CCDC27: variants seen among roughly 807,000 people sequenced by gnomAD.
The protein encoded by CCDC27 is coiled-coil domain-containing protein 27.
CCDC27 carries 80 observed loss-of-function variants against 80.3 expected under a neutral mutation model. The ratio of observed to expected loss-of-function variants is 1.00; its 90% CI spans 0.83 to 1.20. CCDC27 has a LOEUF of 1.20. CCDC27 is among the 50% of genes most tolerant of loss of function. The pLI is 0.00. For synonymous variants in CCDC27, 342 were observed against 334.3 expected (o/e 1.02, Z -0.25); for missense variants, 815 against 809.4 (o/e 1.01, Z -0.08).
rs1312957513 is a variant in CCDC27, at chr1:3,763,231, A to G, written c.1078A>G (p.Ser360Gly). The G allele has an allele frequency of 1.3e-6, 2 of 1,552,752 alleles. No individual in the cohort carries two copies. Among genetic ancestry groups the G allele is most frequent in the Non-Finnish European group, 1.7e-6 (2 of 1,147,034 alleles). The change falls in exon 7 of 12, where the codon AGC (serine) becomes GGC (glycine). Residue 360 changes from serine to glycine, a missense_variant. Physicochemically the swap from Ser to Gly is moderately conservative, Grantham distance 56. Coordinates refer to ENST00000294600, the MANE Select transcript of CCDC27 (RefSeq NM_152492.3). This position sits in a 1 kb window ranked among gnomAD's most constrained non-coding sequence, Gnocchi z 7.5. ...GGACACGGGTGCCTGGGGAGGTGTG[A>G]GCCAGATGGGATCCGTGCATGAGGA... ...VEDTGAWGGV[S>G]QMGSVHEEGS...
Position 3,763,385 on chromosome 1 carries a change from T to C in CCDC27, c.1232T>C (p.Leu411Pro). 1 of 1,613,002 alleles carries C rather than the reference T, an allele frequency of 6.2e-7. No individual in the cohort carries two copies. Among genetic ancestry groups the C allele is most frequent in the Non-Finnish European group, 8.5e-7 (1 of 1,179,980 alleles). The change falls in exon 7 of 12, where the codon CTG (leucine) becomes CCG (proline). Residue 411 changes from leucine to proline, a missense_variant. Leu to Pro is a moderately conservative substitution (Grantham distance 98). Coordinates refer to ENST00000294600, the MANE Select transcript of CCDC27 (RefSeq NM_152492.3). The surrounding 1 kb of genome is among the most constrained non-coding windows in gnomAD (Gnocchi z 7.5). ...SSLAESFEEE[L>P]LAQLEEYEQV... ...CTGGCCGAGTCGTTTGAGGAGGAGC[T>C]GCTGGCCCAGCTGGAGGAGTACGAG...
rs1429676998 is a variant in CCDC27, at chr1:3,762,931, C to T, written c.955-177C>T. On this transcript the variant is annotated intron_variant, in intron 6 of 11. Coordinates refer to ENST00000294600, the MANE Select transcript of CCDC27 (RefSeq NM_152492.3). Reference sequence around the variant, plus strand: ...ACAGAGGGAGGACCCGTGACAGAGGCCACAGTGCCTGGGCCACTGTTGGTG... The same window carrying T: ...ACAGAGGGAGGACCCGTGACAGAGGTCACAGTGCCTGGGCCACTGTTGGTG... 56 of 863,000 alleles carry T rather than the reference C, an allele frequency of 6.5e-5. No homozygotes were observed. In the East Asian group the frequency reaches 1.4e-3, roughly 22 times the overall value. 53.5% of individuals were successfully genotyped at this position (863,000 alleles called of 1,614,324 possible). A position where few individuals can be genotyped will look rare whatever the true frequency, so the allele number is the denominator to read the frequency against.
chr1:3,764,845 G>A (rs908437954), intron 8 of CCDC27, among the ~76,000 whole-genome samples: 1 of 152,100 alleles, frequency 6.6e-6, no homozygotes, highest in African/African-American at 2.4e-5. Flanking sequence ...AGACCCGCCT[G>A]ACCAATATGG....
At chr1:3,754,755 G>C (rs529735924) in intron 2 of CCDC27, among the ~76,000 whole-genome samples, 12 of 150,454 alleles carry the variant, frequency 8.0e-5, no homozygotes, top group Non-Finnish European at 1.6e-4. Flanking sequence ...TCTGCTCCTG[G>C]ACCTGGACTG....
In CCDC27 at chr1:3,761,337, G is replaced by A. The variant is rs749421623; in HGVS notation, c.768G>A (p.Leu256=). The A allele has an allele frequency of 1.2e-6, 2 of 1,614,042 alleles. No individual in the cohort carries two copies. Among genetic ancestry groups the A allele is most frequent in the East Asian group, 2.2e-5 (1 of 44,892 alleles). Reference sequence around the variant, plus strand: ...TTCAGAAGAAAGACGAGGAGATCCTGCTGCTCCAGGAGGAGAGGGAGGCCC... The same window carrying A: ...TTCAGAAGAAAGACGAGGAGATCCTACTGCTCCAGGAGGAGAGGGAGGCCC... ...IQVQKKDEEI[L]LLQEEREALK... The change falls in exon 5 of 12, where the codon CTG becomes CTA. Residue 256 remains leucine (L), a synonymous_variant. Coordinates refer to ENST00000294600, the MANE Select transcript of CCDC27 (RefSeq NM_152492.3). This position sits in a 1 kb window ranked among gnomAD's most constrained non-coding sequence, Gnocchi z 5.0.
chr1:3,761,874 G>A lies in CCDC27; in HGVS notation c.861+444G>A, dbSNP rs1328338010. Among the ~76,000 whole-genome samples the A allele has an allele frequency of 6.6e-6, 1 of 151,912 alleles. No individual in the cohort carries two copies. Among genetic ancestry groups the A allele is most frequent in the Non-Finnish European group, 1.5e-5 (1 of 67,974 alleles). On this transcript the variant is annotated intron_variant, in intron 5 of 11. Transcript: ENST00000294600. This position sits in a 1 kb window ranked among gnomAD's most constrained non-coding sequence, Gnocchi z 5.0. ...GCGGATTCCCCGGGCCTGGCTCTGT[G>A]CATCATCTGCAGTGGTAGCTTGTAT...
chr1:3,761,962 T>G lies in CCDC27; in HGVS notation c.861+532T>G, dbSNP rs1164225543. ...CTGGCTGTGAAGCCCCCTGCGAGGT[T>G]GGGCATGGGGTTGGGGTGGGGGTGG... is the stretch of plus-strand genomic sequence containing the variant. On this transcript the variant is annotated intron_variant, in intron 5 of 11. Transcript: ENST00000294600. The surrounding 1 kb of genome is among the most constrained non-coding windows in gnomAD (Gnocchi z 5.0). Among the ~76,000 whole-genome samples, 6 of 66,382 alleles carry G rather than the reference T, an allele frequency of 9.0e-5. No homozygotes were observed. The highest frequency in any genetic ancestry group is 1.9e-4 in the Admixed American group (1 of 5,166). 43.5% of individuals were successfully genotyped at this position (66,382 alleles called of 152,430 possible). A position where few individuals can be genotyped will look rare whatever the true frequency, so the allele number is the denominator to read the frequency against.
chr1:3,758,303 C>T (rs965695360), intron 4 of CCDC27, among the ~76,000 whole-genome samples: 1 of 151,390 alleles, frequency 6.6e-6, no homozygotes, highest in Non-Finnish European at 1.5e-5. Context: ...ATTCTCCTGC[C>T]TCAGCCTCCC....
rs1643085457 is a variant in CCDC27 at position 3,761,512 on chromosome 1, G to A, written c.861+82G>A. The A allele has an allele frequency of 6.6e-7, 1 of 1,509,184 alleles. No individual in the cohort carries two copies. Among genetic ancestry groups the A allele is most frequent in the Non-Finnish European group, 8.9e-7 (1 of 1,119,592 alleles). The allele number at this position is 1,509,184 out of a possible 1,614,324, so 93.5% of individuals were successfully genotyped here. A position where few individuals can be genotyped will look rare whatever the true frequency, so the allele number is the denominator to read the frequency against. Reference sequence around the variant, plus strand: ...GTCCAAAGCTGCTAGTGACACACAGGCCCCTGGCAAACCCCCAGGCCCCCT... The same window carrying A: ...GTCCAAAGCTGCTAGTGACACACAGACCCCTGGCAAACCCCCAGGCCCCCT... On this transcript the variant is annotated intron_variant, in intron 5 of 11. Transcript: ENST00000294600. This position sits in a 1 kb window ranked among gnomAD's most constrained non-coding sequence, Gnocchi z 5.0.
intron 4 of CCDC27, among the ~76,000 whole-genome samples, chr1:3,758,965 C>T (rs962921165): frequency 5.3e-5 from 8 of 151,972 alleles, no homozygotes; most frequent in African/African-American, 1.9e-4. Flanking sequence ...AATCCCAGCA[C>T]TTTGGGAGGC....
chr1:3,761,114 T>C lies in CCDC27; in HGVS notation c.712-167T>C, dbSNP rs955057651. On this transcript the variant is annotated intron_variant, in intron 4 of 11. Coordinates refer to ENST00000294600, the MANE Select transcript of CCDC27 (RefSeq NM_152492.3). The surrounding 1 kb of genome is among the most constrained non-coding windows in gnomAD (Gnocchi z 5.0). ...GCTGGCACATCTTGATCTCCAGATG[T>C]GTAGTGCTAGCTCTTTACCGCAGTA... is the stretch of plus-strand genomic sequence containing the variant. Among the ~76,000 whole-genome samples the C allele has an allele frequency of 1.3e-5, 2 of 152,174 alleles. No individual in the cohort carries two copies. Among genetic ancestry groups the C allele is most frequent in the African/African-American group, 4.8e-5 (2 of 41,434 alleles).
Position 3,760,832 on chromosome 1 carries a change from T to G in CCDC27, c.712-449T>G, listed in dbSNP as rs1166639348. Among the ~76,000 whole-genome samples the G allele has an allele frequency of 5.9e-5, 9 of 152,314 alleles. No homozygotes were observed. Among genetic ancestry groups the G allele is most frequent in the East Asian group, 1.9e-4 (1 of 5,184 alleles). On this transcript the variant is annotated intron_variant, in intron 4 of 11. Coordinates refer to ENST00000294600, the MANE Select transcript of CCDC27 (RefSeq NM_152492.3). This position sits in a 1 kb window ranked among gnomAD's most constrained non-coding sequence, Gnocchi z 4.3. ...ATTTTTGTCTTTAATTTTGAAGAAT[T>G]GAGGGAGTTGAGATTCTGAGAACAA...
In CCDC27 at chr1:3,760,362, T is replaced by A. The variant is rs552843318; in HGVS notation, c.712-919T>A. Reference sequence around the variant, plus strand: ...CTTGCTCCTCTCTCCCTCTCTCCCTTCCTATATCATAAATTTTCACACCTA... The same window carrying A: ...CTTGCTCCTCTCTCCCTCTCTCCCTACCTATATCATAAATTTTCACACCTA... On this transcript the variant is annotated intron_variant, in intron 4 of 11. Coordinates refer to ENST00000294600, the MANE Select transcript of CCDC27 (RefSeq NM_152492.3). This position sits in a 1 kb window ranked among gnomAD's most constrained non-coding sequence, Gnocchi z 4.3. Among the ~76,000 whole-genome samples the A allele has an allele frequency of 6.6e-6, 1 of 152,192 alleles. No homozygotes were observed. Among genetic ancestry groups the A allele is most frequent in the South Asian group, 2.1e-4 (1 of 4,816 alleles).
At chr1:3,758,402 G>A (rs1432934076) in intron 4 of CCDC27, among the ~76,000 whole-genome samples, 1 of 151,298 alleles carries the variant, frequency 6.6e-6, no homozygotes, top group Non-Finnish European at 1.5e-5. Context: ...CAGACAGGAT[G>A]GTCTTGATCT....
At position 3,763,216 on chromosome 1, in the gene CCDC27, G is replaced by A; in HGVS notation, c.1063G>A (p.Ala355Thr). ...GCCCGATGGGGTGGAGGACACGGGTGCCTGGGGAGGTGTGAGCCAGATGGG... is the reference window on the plus strand; with the variant it reads ...GCCCGATGGGGTGGAGGACACGGGTACCTGGGGAGGTGTGAGCCAGATGGG... Reference protein sequence around the residue: ...GEPDGVEDTGAWGGVSQMGSV... With the variant: ...GEPDGVEDTGTWGGVSQMGSV... Residue 355 changes from alanine to threonine, a missense_variant, in exon 7 of 12, where the codon GCC becomes ACC. By Grantham distance (58) the Ala-to-Thr change is moderately conservative. Coordinates refer to ENST00000294600, the MANE Select transcript of CCDC27 (RefSeq NM_152492.3). This position sits in a 1 kb window ranked among gnomAD's most constrained non-coding sequence, Gnocchi z 7.5. The A allele has an allele frequency of 1.3e-6, 2 of 1,539,372 alleles. No homozygotes were observed. The highest frequency in any genetic ancestry group is 2.5e-5 in the South Asian group (2 of 81,544).
chr1:3,754,899 A>T (rs965224747), intron 2 of CCDC27, among the ~76,000 whole-genome samples: 6 of 152,172 alleles, frequency 3.9e-5, no homozygotes, highest in Admixed American at 3.9e-4. Context: ...AGCCAGCATC[A>T]GGTAGAAGCA....
intron 6 of CCDC27, 126 bp from the exon 7 acceptor site, chr1:3,762,982 C>T: frequency 1.6e-6 from 2 of 1,239,536 alleles, no homozygotes; most frequent in Non-Finnish European, 2.2e-6. Context: ...TGCTCTCCCA[C>T]TCCCTGGACC....
rs571586425 is a variant in CCDC27 at position 3,762,699 on chromosome 1, A to G, written c.941A>G (p.Gln314Arg). The change falls in exon 6 of 12, where the codon CAG becomes CGG. Residue 314 changes from glutamine (Q) to arginine (R), a missense_variant. By Grantham distance (43) the Gln-to-Arg change is conservative. Transcript: ENST00000294600. Reference protein sequence around the residue: ...KAFSRHEEELQHWWQMQEESA... With the variant: ...KAFSRHEEELRHWWQMQEESA... ...TTCTCCAGACATGAGGAGGAGCTGC[A>G]GCACTGGTGGCAGGTGCGGGCCGCC... 5.8e-6 allele frequency: 9 copies of G among 1,548,930 alleles called. No homozygotes were observed. In the East Asian group the frequency reaches 2.2e-4, roughly 38 times the overall value.
intron 3 of CCDC27, 106 bp from the exon 4 acceptor site, chr1:3,756,627 G>T: frequency 1.7e-6 from 2 of 1,185,878 alleles, no homozygotes; most frequent in East Asian, 2.4e-5. Flanking sequence ...GGCAGATAGG[G>T]GTTTCCGAGG....
Sources: allele counts gnomAD v4.1 joint callset (sites outside exome capture counted in the v4.1 genomes callset), GRCh38; gene constraint gnomAD v4.1.1; non-coding constraint Gnocchi (gnomAD v3.1); transcripts MANE v1.5; gene names NCBI Gene and HGNC (gene_info 2026-07-23, HGNC 2026-07-21).